The following WDR48 variants were observed in gnomAD, a reference collection of about 807,000 sequenced individuals.
The protein encoded by WDR48 is WD repeat domain 48.
Under a neutral mutation model 94.0 loss-of-function variants are expected in WDR48, and 22 were observed. The observed-to-expected ratio is 0.23, with a 90% CI of 0.17 to 0.33. The LOEUF (loss-of-function observed/expected upper bound fraction) is 0.33, where lower values mean the gene tolerates loss of function less well. Among genes scored for constraint, WDR48 ranks in the 10% least tolerant of loss-of-function variants. WDR48 has a pLI of 1.00. For missense variants in WDR48, 541 were observed against 813.8 expected (o/e 0.66, Z 4.08); for synonymous variants, 278 against 280.5 (o/e 0.99, Z 0.09).
At chr3:39,082,834 G>T (rs1417032656) in intron 11 of WDR48, among the ~76,000 whole-genome samples, 1 of 152,162 alleles carries the variant, frequency 6.6e-6, no homozygotes, top group Non-Finnish European at 1.5e-5. Context: ...TGGAGAAAAA[G>T]GCTCAGCAGT....
chr3:39,077,103 A>G (rs1332760245), intron 8 of WDR48, 36 bp from the exon 9 acceptor site: 4 of 1,612,336 alleles, frequency 2.5e-6, no homozygotes, highest in Admixed American at 1.7e-5. Context: ...AAGAGTTGAC[A>G]TTCCACAAAG....
At chr3:39,052,846 G>C (rs2032554702) in intron 1 of WDR48, among the ~76,000 whole-genome samples, 1 of 152,036 alleles carries the variant, frequency 6.6e-6, no homozygotes, top group Non-Finnish European at 1.5e-5. Context: ...CCACTTCGGG[G>C]AACATCACAC....
rs564276043 is a variant in WDR48 at position 39,093,660 on chromosome 3, CAT to C, written c.1746-211_1746-210del. On this transcript the variant is annotated intron_variant, in intron 17 of 18. Coordinates refer to ENST00000302313, the MANE Select transcript of WDR48 (RefSeq NM_020839.4). ...CTGTATATGTCAAGTTTTAAGAACA[CAT>C]ATTAATCTCATTTAGTTGTACATAA... Among the ~76,000 whole-genome samples, 1,205 of 152,274 alleles carry C rather than the reference CAT, an allele frequency of 7.9e-3. 11 individuals are homozygous for C. Among genetic ancestry groups the C allele is most frequent in the Non-Finnish European group, 0.013 (909 of 68,022 alleles).
intron 14 of WDR48, 56 bp from the exon 15 acceptor site, chr3:39,088,072 G>A (rs2034899889): frequency 2.0e-6 from 3 of 1,536,310 alleles, no homozygotes; most frequent in South Asian, 2.3e-5. Flanking sequence ...AAAATGTTTA[G>A]AATCTGTATT....
Position 39,084,271 on chromosome 3 carries a change from G to C in WDR48, c.1281+9G>C. On this transcript the variant is annotated intron_variant, in intron 12 of 18. Coordinates refer to ENST00000302313, the MANE Select transcript of WDR48 (RefSeq NM_020839.4). ...TAGACTTAAAAACAGGGGTAAGTTA[G>C]CAATTGATACTTGTATGATTTGGGA... 1 of 1,557,376 alleles carries C rather than the reference G, an allele frequency of 6.4e-7. No individual in the cohort carries two copies. The highest frequency in any genetic ancestry group is 8.8e-7 in the Non-Finnish European group (1 of 1,132,324).
Position 39,066,787 on chromosome 3 carries a change from A to G in WDR48, c.393A>G (p.Leu131=), listed in dbSNP as rs753478658. ...TAGCATATGCCAAGGATAAAGAACT[A>G]GTAGCATCAGCTGGGTTGGACAGAC... ...KALAYAKDKE[L]VASAGLDRQI... is the part of the protein sequence containing the mutation. Residue 131 remains leucine (L), a synonymous_variant, in exon 5 of 19, where the codon CTA becomes CTG. Transcript: ENST00000302313. 6.2e-7 allele frequency: 1 copy of G among 1,614,066 alleles called. No homozygotes were observed. Among genetic ancestry groups the G allele is most frequent in the South Asian group, 1.1e-5 (1 of 91,084 alleles).
At position 39,066,783 on chromosome 3, in the gene WDR48, A is replaced by T; in HGVS notation, c.389A>T (p.Glu130Val). ...GCCTTAGCATATGCCAAGGATAAAGAACTAGTAGCATCAGCTGGGTTGGAC... is the reference window on the plus strand; with the variant it reads ...GCCTTAGCATATGCCAAGGATAAAGTACTAGTAGCATCAGCTGGGTTGGAC... Reference protein sequence around the residue: ...VKALAYAKDKELVASAGLDRQ... With the variant: ...VKALAYAKDKVLVASAGLDRQ... Residue 130 changes from glutamate to valine, a missense_variant, in exon 5 of 19, where the codon GAA becomes GTA. Physicochemically the swap from Glu to Val is moderately radical, Grantham distance 121 (BLOSUM62 -2). This residue lies in a region of WDR48 where 104 missense variants were observed against 189.7 expected (regional missense o/e 0.55). Coordinates refer to ENST00000302313, the MANE Select transcript of WDR48 (RefSeq NM_020839.4). 1 of 1,614,050 alleles carries T rather than the reference A, an allele frequency of 6.2e-7. No individual in the cohort carries two copies. Among genetic ancestry groups the T allele is most frequent in the Non-Finnish European group, 8.5e-7 (1 of 1,179,938 alleles).
At chr3:39,073,289 C>G (rs1365786964) in intron 7 of WDR48, among the ~76,000 whole-genome samples, 2 of 152,186 alleles carry the variant, frequency 1.3e-5, no homozygotes, top group Non-Finnish European at 2.9e-5. Context: ...TGGTTAGTTT[C>G]TTGGTTCCCT....
chr3:39,093,457 G>A (rs2035190569), intron 17 of WDR48, among the ~76,000 whole-genome samples: 1 of 152,172 alleles, frequency 6.6e-6, no homozygotes, highest in East Asian at 1.9e-4. Context: ...TCTGCATCCT[G>A]AGTAGCTGGA....
At position 39,093,889 on chromosome 3, in the gene WDR48, T is replaced by C. The variant is rs754766556; in HGVS notation, c.1761T>C (p.Ala587=). The C allele has an allele frequency of 6.2e-7, 1 of 1,609,468 alleles. No homozygotes were observed. The highest frequency in any genetic ancestry group is 8.5e-7 in the Non-Finnish European group (1 of 1,178,480). Residue 587 remains alanine, a synonymous_variant, in exon 18 of 19, where the codon GCT becomes GCC. Transcript: ENST00000302313. ...AKTLKKDRLS[A]SDMLQVRKVM... is the part of the protein sequence containing the mutation. ...TTTTTTACAGAGATAGACTCTCTGCTAGTGACATGCTCCAAGTCCGAAAAG... is the reference window on the plus strand; with the variant it reads ...TTTTTTACAGAGATAGACTCTCTGCCAGTGACATGCTCCAAGTCCGAAAAG...
intron 1 of WDR48, among the ~76,000 whole-genome samples, chr3:39,055,227 C>G (rs1011773394): frequency 2.0e-5 from 3 of 152,172 alleles, no homozygotes; most frequent in Admixed American, 1.3e-4. Context: ...TGGCTCATGC[C>G]TGTAATCCCA....
chr3:39,063,096 G>T lies in WDR48; in HGVS notation c.95G>T (p.Gly32Val). Reference protein sequence around the residue: ...RDEVEKYNRNGVNALQLDPAL... With the variant: ...RDEVEKYNRNVVNALQLDPAL... ...GAAGTGGAGAAGTACAACCGAAATG[G>T]AGTCAATGCTCTGCAGCTGGATCCA... Residue 32 changes from glycine (G) to valine (V), a missense_variant, in exon 2 of 19, where the codon GGA (glycine) becomes GTA (valine). Gly to Val is a moderately radical substitution (Grantham distance 109, BLOSUM62 -3). Around this residue, in one of 5 missense-constraint regions of WDR48, gnomAD observed 90 missense variants for 122.3 expected, o/e 0.74. Coordinates refer to ENST00000302313, the MANE Select transcript of WDR48 (RefSeq NM_020839.4). The T allele has an allele frequency of 6.2e-7, 1 of 1,614,082 alleles. No homozygotes were observed.
chr3:39,078,111 T>G (rs1378370992), intron 9 of WDR48, 26 bp from the exon 10 acceptor site: 1 of 1,550,534 alleles, frequency 6.4e-7, no homozygotes. Flanking sequence ...CATAACATGA[T>G]CAAATAACAA....
intron 14 of WDR48, among the ~76,000 whole-genome samples, chr3:39,085,813 A>G (rs1298629935): frequency 6.6e-6 from 1 of 151,960 alleles, no homozygotes; most frequent in Non-Finnish European, 1.5e-5. Flanking sequence ...CCACCTTATG[A>G]TATGGCTTTT....
intron 1 of WDR48, among the ~76,000 whole-genome samples, chr3:39,057,828 G>A (rs762597130): frequency 5.3e-5 from 8 of 152,074 alleles, no homozygotes; most frequent in Non-Finnish European, 8.8e-5. Flanking sequence ...TCACCATGTT[G>A]GCCAGGATGG....
At chr3:39,074,054 A>G (rs1330269734) in intron 7 of WDR48, among the ~76,000 whole-genome samples, 3 of 152,220 alleles carry the variant, frequency 2.0e-5, no homozygotes, top group Non-Finnish European at 2.9e-5. Context: ...ATGAGACCCA[A>G]TAATTTATAT....
At chr3:39,086,514 A>T (rs1174081744) in intron 14 of WDR48, 1 of 152,222 alleles carries the variant, frequency 6.6e-6, no homozygotes, top group East Asian at 1.9e-4. Context: ...CCTGTCAGAG[A>T]GAGGGTGCTG....
intron 16 of WDR48, 48 bp downstream of exon 16, chr3:39,089,366 A>C: frequency 3.9e-6 from 6 of 1,554,724 alleles, no homozygotes; most frequent in Non-Finnish European, 5.3e-6. Context: ...TTTGTAACTC[A>C]TGAAATTAAG....
At chr3:39,066,218 T>C (rs2033597733) in intron 3 of WDR48, among the ~76,000 whole-genome samples, 1 of 152,222 alleles carries the variant, frequency 6.6e-6, no homozygotes, top group Non-Finnish European at 1.5e-5. Context: ...ATACCTCTTT[T>C]TGTTCTAATT....
Sources: allele counts gnomAD v4.1 joint callset (sites outside exome capture counted in the v4.1 genomes callset), GRCh38; gene constraint gnomAD v4.1.1; regional missense constraint gnomAD v4.1.1; transcripts MANE v1.5; gene names NCBI Gene and HGNC (gene_info 2026-07-23, HGNC 2026-07-21).